The following TMEM117 variants were observed in gnomAD, a reference collection of about 807,000 sequenced individuals.
TMEM117 encodes transmembrane protein 117.
TMEM117 carries 27 observed loss-of-function variants against 52.4 expected under a neutral mutation model. That is an observed-to-expected ratio of 0.51 (90% CI 0.38 to 0.71). TMEM117 has a LOEUF of 0.71. Among genes scored for constraint, TMEM117 ranks in the 30% least tolerant of loss-of-function variants. The pLI is 0.00. For missense variants in TMEM117, 556 were observed against 630.5 expected, an observed-to-expected ratio of 0.88 and a Z score of 1.26; for synonymous variants, 215 against 206.3, an observed-to-expected ratio of 1.04 and a Z score of -0.36.
At chr12:43,987,850 G>A (rs1369970749) in intron 3 of TMEM117, among the ~76,000 whole-genome samples, 2 of 151,928 alleles carry the variant, frequency 1.3e-5, no homozygotes, top group African/African-American at 4.8e-5. Context: ...AGTCTTTCTT[G>A]GCTTCCTCCA....
At chr12:43,812,302 C>G in the TMEM117 span, among the ~76,000 whole-genome samples, 3 of 152,196 alleles carry the variant, frequency 2.0e-5, no homozygotes, top group African/African-American at 7.2e-5. Flanking sequence ...AACAATTTCT[C>G]TCTGGCCTTT....
At chr12:44,149,242 G>A (rs563714131) in intron 4 of TMEM117, among the ~76,000 whole-genome samples, 1 of 152,268 alleles carries the variant, frequency 6.6e-6, no homozygotes, top group Non-Finnish European at 1.5e-5. Flanking sequence ...AAGGAAGCTG[G>A]GTTGAGATAT....
At chr12:43,906,545 G>A (rs772137706) in intron 2 of TMEM117, among the ~76,000 whole-genome samples, 2 of 151,962 alleles carry the variant, frequency 1.3e-5, no homozygotes, top group South Asian at 2.1e-4. Flanking sequence ...CGTGAGCGAT[G>A]TAGAAGACCA....
rs548306605 is a variant in TMEM117 at position 44,194,087 on chromosome 12, C to T, written c.511-17203C>T. Reference sequence around the variant, plus strand: ...GAAAATATGGGTGAGGAATGAAAGACTGAACCATTTGAAAATGACCCAAAC... The same window carrying T: ...GAAAATATGGGTGAGGAATGAAAGATTGAACCATTTGAAAATGACCCAAAC... On this transcript the variant is annotated intron_variant, in intron 4 of 7. Transcript: ENST00000266534. 2.6e-3 allele frequency among the ~76,000 whole-genome samples: 393 copies of T among 152,184 alleles called. 1 individual carries two copies. Among genetic ancestry groups the T allele is most frequent in the Non-Finnish European group, 5.0e-3 (337 of 68,006 alleles).
intron 2 of TMEM117, among the ~76,000 whole-genome samples, chr12:43,899,789 T>G (rs1420617601): frequency 2.0e-5 from 3 of 152,202 alleles, no homozygotes; most frequent in Non-Finnish European, 4.4e-5. Flanking sequence ...GGCAGGATCT[T>G]TAGTCCTAAG....
intron 5 of TMEM117, among the ~76,000 whole-genome samples, chr12:44,284,982 A>G (rs75858565): frequency 0.028 from 4,319 of 152,328 alleles, 102 homozygotes; most frequent in African/African-American, 0.056. Flanking sequence ...CACTACAATA[A>G]ATACAATTAT....
intron 6 of TMEM117, among the ~76,000 whole-genome samples, chr12:44,312,472 G>C (rs1391879261): frequency 6.6e-6 from 1 of 152,022 alleles, no homozygotes; most frequent in African/African-American, 2.4e-5. Flanking sequence ...AATATTCCAG[G>C]GTGTACATGC....
intron 3 of TMEM117, among the ~76,000 whole-genome samples, chr12:44,037,495 C>T (rs1946727899): frequency 6.6e-6 from 1 of 152,176 alleles, no homozygotes; most frequent in Non-Finnish European, 1.5e-5. Context: ...AACCTCCTGT[C>T]ATTGCCCAGG....
the TMEM117 span, among the ~76,000 whole-genome samples, chr12:43,821,936 G>C: frequency 7.2e-5 from 11 of 152,210 alleles, no homozygotes; most frequent in Non-Finnish European, 1.3e-4. Context: ...TGATGGCCTA[G>C]AACACTATGT....
chr12:43,819,837 G>A, the TMEM117 span, among the ~76,000 whole-genome samples: 5 of 151,886 alleles, frequency 3.3e-5, no homozygotes, highest in Admixed American at 1.3e-4. Flanking sequence ...AGGAAGGAGG[G>A]AAGGAAGGGG....
chr12:44,150,250 G>T (rs1405359304), intron 4 of TMEM117, among the ~76,000 whole-genome samples: 2 of 152,090 alleles, frequency 1.3e-5, no homozygotes, highest in Non-Finnish European at 2.9e-5. Context: ...CATGCATCAG[G>T]GATTTAGGGG....
intron 3 of TMEM117, among the ~76,000 whole-genome samples, chr12:43,992,985 A>G (rs1051269336): frequency 2.5e-4 from 38 of 152,356 alleles, no homozygotes; most frequent in African/African-American, 7.7e-4. Context: ...TATTGAATGA[A>G]TAACAATACA....
chr12:44,319,783 C>T (rs946771972), intron 6 of TMEM117, among the ~76,000 whole-genome samples: 2 of 152,128 alleles, frequency 1.3e-5, no homozygotes, highest in African/African-American at 4.8e-5. Flanking sequence ...ATTTAAAATT[C>T]ATTCTTTGGT....
rs1376193178 is a variant in TMEM117 at position 44,311,815 on chromosome 12, ATATATATGTATATATG to A, written c.768+12092_768+12107del. ...TATATATGTATATATGTATATATGT[ATATATATGTATATATG>A]TATATATGTATATATATGTATATAT... On this transcript the variant is annotated intron_variant, in intron 6 of 7. Coordinates refer to ENST00000266534, the MANE Select transcript of TMEM117 (RefSeq NM_032256.3). Among the ~76,000 whole-genome samples the A allele has an allele frequency of 1.1e-3, 100 of 94,716 alleles. 1 individual carries two copies. Among genetic ancestry groups the A allele is most frequent in the East Asian group, 6.0e-3 (27 of 4,492 alleles). 62.1% of individuals were successfully genotyped at this position (94,716 alleles called of 152,430 possible). A position where few individuals can be genotyped will look rare whatever the true frequency, so the allele number is the denominator to read the frequency against.
At chr12:44,135,373 G>T (rs1001696094) in intron 3 of TMEM117, among the ~76,000 whole-genome samples, 1 of 152,134 alleles carries the variant, frequency 6.6e-6, no homozygotes, top group African/African-American at 2.4e-5. Context: ...TCATGGTCTA[G>T]CATGCAGTGA....
chr12:43,908,623 A>G (rs1209105888), intron 2 of TMEM117, among the ~76,000 whole-genome samples: 1 of 151,982 alleles, frequency 6.6e-6, no homozygotes, highest in Non-Finnish European at 1.5e-5. Flanking sequence ...AGAGACACAC[A>G]TAGGCTCAAA....
intron 6 of TMEM117, among the ~76,000 whole-genome samples, chr12:44,311,839 G>A (rs370922246): frequency 0.042 from 2,249 of 53,122 alleles, 135 homozygotes; most frequent in African/African-American, 0.16. Flanking sequence ...ATGTATATAT[G>A]TATATATATG....
chr12:44,286,278 A>G (rs73086772), intron 5 of TMEM117, among the ~76,000 whole-genome samples: 5,169 of 151,282 alleles, frequency 0.034, 106 homozygotes, highest in Middle Eastern at 0.13. Context: ...CATTTAGAAC[A>G]TGAATAATAG....
At chr12:44,241,319 G>T (rs1950059087) in intron 5 of TMEM117, among the ~76,000 whole-genome samples, 1 of 151,354 alleles carries the variant, frequency 6.6e-6, no homozygotes, top group Non-Finnish European at 1.5e-5. Flanking sequence ...CTGATAATTT[G>T]GGCTTTGTCA....
Sources: gnomAD v4.1 joint callset for allele counts (sites outside exome capture counted in the v4.1 genomes callset) on GRCh38, gnomAD v4.1.1 for gene constraint, MANE v1.5 for transcripts, NCBI Gene and HGNC (gene_info 2026-07-23, HGNC 2026-07-21) for gene names.